The following DENND11 variants were observed in gnomAD, a reference collection of about 807,000 sequenced individuals.
DENND11 encodes DENN domain-containing protein 11.
DENND11 carries 34 observed loss-of-function variants against 49.2 expected under a neutral mutation model. That is an observed-to-expected ratio of 0.69 (90% CI 0.53 to 0.92). DENND11 has a LOEUF of 0.92. DENND11 is among the 40% of genes least tolerant of loss of function. The pLI, the probability that DENND11 is intolerant of heterozygous loss-of-function variation, is 0.00. For missense variants in DENND11, 475 were observed against 581.6 expected (o/e 0.82, Z 1.88); for synonymous variants, 238 against 230.3 (o/e 1.03, Z -0.30).
In DENND11 at chr7:141,656,815, T is replaced by C. The variant is rs752402695; in HGVS notation, c.*5841A>G. ...CTCTCTGCACACAACTTGGTTCAGA[T>C]ATATACAGATATGATATTCATAGAT... On this transcript the variant is annotated 3_prime_UTR_variant, in exon 9 of 9. Transcript: ENST00000536163. 3.3e-5 allele frequency: 5 copies of C among 152,816 alleles called. No homozygotes were observed. The highest frequency in any genetic ancestry group is 7.3e-5 in the Non-Finnish European group (5 of 68,068). 9.5% of individuals were successfully genotyped at this position (152,816 alleles called of 1,614,324 possible). A position where few individuals can be genotyped will look rare whatever the true frequency, so the allele number is the denominator to read the frequency against.
intron 1 of DENND11, among the ~76,000 whole-genome samples, chr7:141,691,144 C>T (rs1798321862): frequency 6.6e-6 from 1 of 152,220 alleles, no homozygotes; most frequent in South Asian, 2.1e-4. Context: ...TGGTCAGTGT[C>T]ATGTGGACAG....
intron 1 of DENND11, among the ~76,000 whole-genome samples, chr7:141,696,251 C>T (rs890126157): frequency 9.9e-5 from 15 of 152,188 alleles, no homozygotes; most frequent in African/African-American, 3.6e-4. Context: ...TCTAGGTTGA[C>T]CACTGCCTCT....
At chr7:141,686,705 A>C in intron 1 of DENND11, 47 bp from the exon 2 acceptor site, 1 of 1,357,996 alleles carries the variant, frequency 7.4e-7, no homozygotes, top group South Asian at 1.2e-5. Flanking sequence ...CATCATTCAA[A>C]GAAAATGGGT....
rs1797750303 is a variant in DENND11, at chr7:141,659,223, T to C, written c.*3433A>G. On this transcript the variant is annotated 3_prime_UTR_variant, in exon 9 of 9. Coordinates refer to ENST00000536163, the MANE Select transcript of DENND11 (RefSeq NM_001080392.2). ...CAGATGCTATAATGGATGATGGATA[T>C]GGAAGGCAAAAGCCTTCTAATTCAT... is the stretch of plus-strand genomic sequence containing the variant. 1 of 152,238 alleles carries C rather than the reference T, an allele frequency of 6.6e-6. No individual in the cohort carries two copies. 9.4% of individuals were successfully genotyped at this position (152,238 alleles called of 1,614,324 possible). A position where few individuals can be genotyped will look rare whatever the true frequency, so the allele number is the denominator to read the frequency against.
rs1797719975 is a variant in DENND11, at chr7:141,657,726, A to C, written c.*4930T>G. ...CACAGTATGCTAAAAATCGAAAATA[A>C]ATTCTAAAAAGAGGAAAGCAAGGCT... On this transcript the variant is annotated 3_prime_UTR_variant, in exon 9 of 9. Coordinates refer to ENST00000536163, the MANE Select transcript of DENND11 (RefSeq NM_001080392.2). The C allele has an allele frequency of 6.6e-6, 1 of 152,574 alleles. No homozygotes were observed. Among genetic ancestry groups the C allele is most frequent in the Non-Finnish European group, 1.5e-5 (1 of 68,052 alleles). 9.5% of individuals were successfully genotyped at this position (152,574 alleles called of 1,614,324 possible).
intron 3 of DENND11, among the ~76,000 whole-genome samples, chr7:141,678,815 C>T (rs545621376): frequency 5.9e-5 from 9 of 152,192 alleles, no homozygotes; most frequent in Admixed American, 3.9e-4. Context: ...GCTATTTTAC[C>T]GTTGGTTTGT....
intron 4 of DENND11, among the ~76,000 whole-genome samples, chr7:141,668,989 C>T (rs937780313): frequency 1.9e-4 from 29 of 152,220 alleles, no homozygotes; most frequent in African/African-American, 7.0e-4. Flanking sequence ...TCCCTAACCA[C>T]TGTCAGTTCA....
At chr7:141,665,555 T>C (rs1797881914) in intron 5 of DENND11, among the ~76,000 whole-genome samples, 1 of 152,098 alleles carries the variant, frequency 6.6e-6, no homozygotes, top group African/African-American at 2.4e-5. Flanking sequence ...TCTCAGTCTT[T>C]CTCTAGCTGG....
At chr7:141,666,756 T>C (rs1219722641) in intron 4 of DENND11, among the ~76,000 whole-genome samples, 1 of 152,116 alleles carries the variant, frequency 6.6e-6, no homozygotes, top group Non-Finnish European at 1.5e-5. Context: ...AAAACTCAAC[T>C]CGAAAACATT....
chr7:141,682,634 G>A (rs1487516846), intron 3 of DENND11, among the ~76,000 whole-genome samples: 1 of 152,152 alleles, frequency 6.6e-6, no homozygotes, highest in Non-Finnish European at 1.5e-5. Context: ...GGAATAACAA[G>A]AGATGAATGT....
chr7:141,674,099 A>C lies in DENND11; in HGVS notation c.649T>G (p.Ser217Ala). ...SSLPPVYWLP[S>A]IHRYMYPEMK... is the part of the protein sequence containing the mutation. ...TCAGGGTACATGTATCGGTGGATGGAAGGCAGCCAGTAGACAGGGGGCAGG... is the reference window on the plus strand; with the variant it reads ...TCAGGGTACATGTATCGGTGGATGGCAGGCAGCCAGTAGACAGGGGGCAGG... Residue 217 changes from serine (S) to alanine (A), a missense_variant, in exon 4 of 9, where the codon TCC (serine) becomes GCC (alanine). Physicochemically the swap from Ser to Ala is moderately conservative, Grantham distance 99. Transcript: ENST00000536163. 1 of 1,603,168 alleles carries C rather than the reference A, an allele frequency of 6.2e-7. No homozygotes were observed. Among genetic ancestry groups the C allele is most frequent in the Non-Finnish European group, 8.5e-7 (1 of 1,175,214 alleles).
intron 1 of DENND11, among the ~76,000 whole-genome samples, chr7:141,693,783 G>A (rs906401318): frequency 2.6e-5 from 4 of 152,162 alleles, no homozygotes; most frequent in Admixed American, 6.5e-5. Flanking sequence ...GTGACATTCT[G>A]GGAAAGGCAA....
In DENND11 at chr7:141,701,958, G is replaced by T. The variant is rs1232216214; in HGVS notation, c.196C>A (p.Arg66Ser). ...TCCTCCACGTCGCCCAGCTCCAGGC[G>T]CCCGGGCTGCAGCAGCACCTCCGGG... ...AAPEVLLQPG[R>S]LELGDVEEDQ... is the part of the protein sequence containing the mutation. Residue 66 changes from arginine (R) to serine (S), a missense_variant, in exon 1 of 9, where the codon CGC becomes AGC. By Grantham distance (110) the Arg-to-Ser change is moderately radical (BLOSUM62 -1). Coordinates refer to ENST00000536163, the MANE Select transcript of DENND11 (RefSeq NM_001080392.2). 3 of 1,184,524 alleles carry T rather than the reference G, an allele frequency of 2.5e-6. No individual in the cohort carries two copies. Among genetic ancestry groups the T allele is most frequent in the East Asian group, 3.7e-5 (1 of 27,080 alleles). The allele number at this position is 1,184,524 out of a possible 1,614,324, so 73.4% of individuals were successfully genotyped here.
chr7:141,678,315 A>G (rs1425755363), intron 3 of DENND11, among the ~76,000 whole-genome samples: 1 of 152,210 alleles, frequency 6.6e-6, no homozygotes, highest in Non-Finnish European at 1.5e-5. Flanking sequence ...TGTATAATAT[A>G]TATTTGCACA....
intron 4 of DENND11, among the ~76,000 whole-genome samples, chr7:141,671,986 T>C: frequency 6.6e-6 from 1 of 152,196 alleles, no homozygotes; most frequent in East Asian, 1.9e-4. Flanking sequence ...CAGAAGGAAA[T>C]CTCTTCTGTT....
At chr7:141,680,971 A>C (rs1798139472) in intron 3 of DENND11, among the ~76,000 whole-genome samples, 1 of 152,108 alleles carries the variant, frequency 6.6e-6, no homozygotes, top group Non-Finnish European at 1.5e-5. Context: ...TAAAAGCCAA[A>C]AACGATACCT....
chr7:141,691,923 T>A (rs1174977524), intron 1 of DENND11, among the ~76,000 whole-genome samples: 1 of 152,172 alleles, frequency 6.6e-6, no homozygotes, highest in African/African-American at 2.4e-5. Flanking sequence ...AAAAACAGAT[T>A]TATTAAGGGC....
intron 1 of DENND11, among the ~76,000 whole-genome samples, chr7:141,700,490 AAGAG>A (rs985227067): frequency 5.3e-5 from 8 of 151,830 alleles, no homozygotes; most frequent in South Asian, 2.1e-4. Flanking sequence ...AAAAAAAAAA[AAGAG>A]AGAGAAAAAA....
intron 3 of DENND11, among the ~76,000 whole-genome samples, chr7:141,683,511 C>T (rs1183643943): frequency 2.6e-5 from 4 of 152,066 alleles, no homozygotes; most frequent in Non-Finnish European, 5.9e-5. Context: ...GCTGTGGTGG[C>T]GGGCCCCTGT....
Sources: allele counts gnomAD v4.1 joint callset (sites outside exome capture counted in the v4.1 genomes callset), GRCh38; gene constraint gnomAD v4.1.1; transcripts MANE v1.5; gene names NCBI Gene and HGNC (gene_info 2026-07-23, HGNC 2026-07-21).